CUEDC1: variants seen among roughly 807,000 people sequenced by gnomAD.
The protein encoded by CUEDC1 is CUE domain-containing protein 1.
In CUEDC1, 30 loss-of-function variants were observed where a neutral mutation model predicts 43.7. The observed-to-expected ratio is 0.69, with a 90% CI of 0.51 to 0.93. CUEDC1 has a LOEUF of 0.93. Among genes scored for constraint, CUEDC1 ranks in the 40% least tolerant of loss-of-function variants. CUEDC1 has a pLI of 0.00. For synonymous variants in CUEDC1, 223 were observed against 223.6 expected, an observed-to-expected ratio of 1.00 and a Z score of 0.02; for missense variants, 486 against 549.0, an observed-to-expected ratio of 0.89 and a Z score of 1.15.
intron 1 of CUEDC1, among the ~76,000 whole-genome samples, chr17:57,907,250 C>T (rs1159149444): frequency 3.9e-5 from 6 of 152,122 alleles, no homozygotes; most frequent in Non-Finnish European, 7.3e-5. Context: ...CGTTATGATA[C>T]GCTAGGAAAC....
intron 1 of CUEDC1, among the ~76,000 whole-genome samples, chr17:57,943,092 C>T (rs1031917084): frequency 2.0e-5 from 3 of 152,170 alleles, no homozygotes; most frequent in East Asian, 1.9e-4. Context: ...CTATTTTTAA[C>T]GACATGCCTC....
intron 3 of CUEDC1, among the ~76,000 whole-genome samples, chr17:57,879,098 A>C (rs2074168653): frequency 6.6e-6 from 1 of 152,246 alleles, no homozygotes; most frequent in African/African-American, 2.4e-5. Context: ...ATTGCTTAAA[A>C]ATCCTCACAA....
intron 3 of CUEDC1, among the ~76,000 whole-genome samples, chr17:57,878,651 TTTA>T (rs1433910994): frequency 1.2e-5 from 1 of 80,110 alleles, no homozygotes; most frequent in Admixed American, 1.0e-4. Flanking sequence ...ACCTTGATTA[TTTA>T]TTTATTTATT....
intron 10 of CUEDC1, among the ~76,000 whole-genome samples, chr17:57,863,751 G>A (rs1412858709): frequency 1.3e-5 from 2 of 152,164 alleles, no homozygotes; most frequent in South Asian, 2.1e-4. Flanking sequence ...GCTCACGCCT[G>A]TAATCTCAGC....
chr17:57,934,770 T>C (rs1257329011), intron 1 of CUEDC1, among the ~76,000 whole-genome samples: 2 of 152,144 alleles, frequency 1.3e-5, no homozygotes, highest in African/African-American at 4.8e-5. Flanking sequence ...TGCAGTGGCG[T>C]GATTTCGGCT....
chr17:57,940,089 C>T (rs1216437884), intron 1 of CUEDC1, among the ~76,000 whole-genome samples: 2 of 152,072 alleles, frequency 1.3e-5, no homozygotes, highest in Non-Finnish European at 2.9e-5. Context: ...CCTCCCTGTA[C>T]AGATGAGGAA....
rs78266004 is a variant in CUEDC1 at position 57,954,280 on chromosome 17, C to T, written c.-316+945G>A. The stretch of plus-strand genomic sequence containing the variant: ...TGGATGGTCTTCTTGTATCCTCTAT[C>T]GCCTCCAGGGCATCTTGTTTCTAAA... On this transcript the variant is annotated intron_variant, in intron 1 of 10. Coordinates refer to ENST00000577830, the MANE Select transcript of CUEDC1 (RefSeq NM_001271875.2). This position sits in a 1 kb window ranked among gnomAD's most constrained non-coding sequence, Gnocchi z 4.3. 0.013 allele frequency among the ~76,000 whole-genome samples: 1,949 copies of T among 152,240 alleles called. 23 individuals carry two copies. The highest frequency in any genetic ancestry group is 0.025 in the Admixed American group (376 of 15,290).
rs370789459 is a variant in CUEDC1, at chr17:57,872,850, G to T, written c.597C>A (p.Asn199Lys). ...LPQQLDSIQG[N>K]AGGPKPGSGE... is the part of the protein sequence containing the mutation. ...CACTCCCAGGCTTGGGGCCCCCAGCGTTACCCTGAGGAGGGAAGCGAGCAT... is the reference window on the plus strand; with the variant it reads ...CACTCCCAGGCTTGGGGCCCCCAGCTTTACCCTGAGGAGGGAAGCGAGCAT... The change falls in exon 5 of 11, where the codon AAC (asparagine) becomes AAA (lysine). Residue 199 changes from asparagine to lysine, a missense_variant. By Grantham distance (94) the Asn-to-Lys change is moderately conservative. Coordinates refer to ENST00000577830, the MANE Select transcript of CUEDC1 (RefSeq NM_001271875.2). 1.2e-6 allele frequency: 2 copies of T among 1,611,858 alleles called. No homozygotes were observed. Among genetic ancestry groups the T allele is most frequent in the Non-Finnish European group, 1.7e-6 (2 of 1,179,310 alleles).
intron 1 of CUEDC1, among the ~76,000 whole-genome samples, chr17:57,942,905 G>A (rs2074929622): frequency 6.6e-6 from 1 of 151,928 alleles, no homozygotes; most frequent in African/African-American, 2.4e-5. Flanking sequence ...GCAGGTGCCT[G>A]TAGTCCCAGC....
intron 1 of CUEDC1, among the ~76,000 whole-genome samples, chr17:57,912,975 G>T (rs1350727180): frequency 6.6e-6 from 1 of 152,130 alleles, no homozygotes; most frequent in East Asian, 1.9e-4. Flanking sequence ...CTCCAGAGTA[G>T]CTAGGCCTAC....
intron 1 of CUEDC1, among the ~76,000 whole-genome samples, chr17:57,945,164 A>G (rs2143225711): frequency 6.6e-6 from 1 of 152,356 alleles, no homozygotes; most frequent in African/African-American, 2.4e-5. Context: ...TTCACCCTTG[A>G]TAAATAGCAG....
At chr17:57,939,789 A>C (rs2074899492) in intron 1 of CUEDC1, among the ~76,000 whole-genome samples, 1 of 152,120 alleles carries the variant, frequency 6.6e-6, no homozygotes, top group African/African-American at 2.4e-5. Context: ...GACACCATTC[A>C]GTAACTAAGG....
At chr17:57,920,632 CTTTT>C (rs58900177) in intron 1 of CUEDC1, among the ~76,000 whole-genome samples, 8 of 115,208 alleles carry the variant, frequency 6.9e-5, no homozygotes, top group Non-Finnish European at 1.1e-4. Flanking sequence ...TTTTTCTTTT[CTTTT>C]TTTTTTTTTT....
At chr17:57,916,859 T>G (rs1220811427) in intron 1 of CUEDC1, among the ~76,000 whole-genome samples, 2 of 152,176 alleles carry the variant, frequency 1.3e-5, no homozygotes, top group African/African-American at 4.8e-5. Context: ...GCACTGTCTG[T>G]TTTATTTCAT....
intron 1 of CUEDC1, among the ~76,000 whole-genome samples, chr17:57,905,018 C>T (rs1201805182): frequency 6.6e-6 from 1 of 152,120 alleles, no homozygotes. Context: ...TTTTCCAGGC[C>T]TTTTTGTACT....
intron 8 of CUEDC1, 82 bp from the exon 9 acceptor site, chr17:57,867,497 AC>A: frequency 7.8e-7 from 1 of 1,286,236 alleles, no homozygotes. Context: ...TCTCTGCCCC[AC>A]CCCTCAAAGC....
intron 1 of CUEDC1, among the ~76,000 whole-genome samples, chr17:57,904,354 C>T (rs1435685569): frequency 6.6e-6 from 1 of 152,046 alleles, no homozygotes; most frequent in East Asian, 1.9e-4. Flanking sequence ...GAAAAAGTCA[C>T]ACATCAGCCA....
intron 1 of CUEDC1, among the ~76,000 whole-genome samples, chr17:57,903,667 A>G (rs2074497514): frequency 6.6e-6 from 1 of 152,092 alleles, no homozygotes; most frequent in South Asian, 2.1e-4. Flanking sequence ...TGGGCACAGT[A>G]TATGAAAACC....
At chr17:57,864,325 C>T (rs1475561681) in intron 10 of CUEDC1, among the ~76,000 whole-genome samples, 3 of 152,058 alleles carry the variant, frequency 2.0e-5, no homozygotes, top group South Asian at 4.2e-4. Flanking sequence ...GAGCCAGATG[C>T]GCAGAAGTGT....
Sources: gnomAD v4.1 joint callset for allele counts (sites outside exome capture counted in the v4.1 genomes callset) on GRCh38, gnomAD v4.1.1 for gene constraint, Gnocchi (gnomAD v3.1) non-coding constraint, MANE v1.5 for transcripts, NCBI Gene and HGNC (gene_info 2026-07-23, HGNC 2026-07-21) for gene names.